RNASE7: variants seen among roughly 807,000 people sequenced by gnomAD.
RNASE7 encodes the protein ribonuclease 7.
For missense variants in RNASE7, 184 were observed against 191.5 expected (o/e 0.96, Z 0.23); for synonymous variants, 80 against 77.5 (o/e 1.03, Z -0.17).
Position 21,043,471 on chromosome 14 carries a change from G to GA in RNASE7, c.*9dup, listed in dbSNP as rs781484631. On this transcript the variant is annotated 3_prime_UTR_variant, in exon 2 of 2. Coordinates refer to ENST00000298690, the MANE Select transcript of RNASE7 (RefSeq NM_032572.4). ...TTGGACAGAGTCCTTTAGGTTTCCAGACTGGCTTGCTCTTTGGCTGACCTT... is the reference window on the plus strand; with the variant it reads ...TTGGACAGAGTCCTTTAGGTTTCCAGAACTGGCTTGCTCTTTGGCTGACCTT... The GA allele has an allele frequency of 6.4e-7, 1 of 1,567,174 alleles. No homozygotes were observed. The highest frequency in any genetic ancestry group is 1.2e-5 in the South Asian group (1 of 82,178).
intron 1 of RNASE7, among the ~76,000 whole-genome samples, 200 bp from the exon 2 acceptor site, chr14:21,042,753 A>C (rs1401064183): frequency 6.6e-6 from 1 of 152,160 alleles, no homozygotes; most frequent in Non-Finnish European, 1.5e-5. Context: ...CAGGGACAGA[A>C]TGAAGGGAAC....
At position 21,043,746 on chromosome 14, in the gene RNASE7, T is replaced by G; in HGVS notation, c.*283T>G. The stretch of plus-strand genomic sequence containing the variant: ...CATTGCACATGTCTCCCCTGCCCCC[T>G]GGCATTAGGGCAGCATGACAAGGAG... On this transcript the variant is annotated 3_prime_UTR_variant, in exon 2 of 2. Coordinates refer to ENST00000298690, the MANE Select transcript of RNASE7 (RefSeq NM_032572.4). 2.8e-6 allele frequency: 1 copy of G among 350,924 alleles called. No individual in the cohort carries two copies. Among genetic ancestry groups the G allele is most frequent in the South Asian group, 6.8e-5 (1 of 14,652 alleles). 21.7% of individuals were successfully genotyped at this position (350,924 alleles called of 1,614,324 possible). A position where few individuals can be genotyped will look rare whatever the true frequency, so the allele number is the denominator to read the frequency against.
chr14:21,042,872 A>G (rs1884965826), intron 1 of RNASE7, 81 bp from the exon 2 acceptor site: 1 of 816,734 alleles, frequency 1.2e-6, no homozygotes, highest in Non-Finnish European at 1.9e-6. Context: ...GAAAGGAGAC[A>G]ACCGAGTAGG....
chr14:21,043,000 C>G lies in RNASE7; in HGVS notation c.8C>G (p.Pro3Arg). 1.9e-6 allele frequency: 3 copies of G among 1,612,344 alleles called. No homozygotes were observed. Among genetic ancestry groups the G allele is most frequent in the Non-Finnish European group, 2.5e-6 (3 of 1,179,026 alleles). MA[P>R]ARAGFCPLLL... ...CTGCTCCTCCTAAGAGAGATGGCAC[C>G]GGCCAGAGCAGGATTCTGCCCCCTT... Residue 3 changes from proline (P) to arginine (R), a missense_variant, in exon 2 of 2, where the codon CCG (proline) becomes CGG (arginine). Coordinates refer to ENST00000298690, the MANE Select transcript of RNASE7 (RefSeq NM_032572.4).
At position 21,043,228 on chromosome 14, in the gene RNASE7, T is replaced by TG. The variant is rs1884989177; in HGVS notation, c.238dup (p.Ala80GlyfsTer16). The TG allele has an allele frequency of 6.2e-7, 1 of 1,614,062 alleles. No homozygotes were observed. The highest frequency in any genetic ancestry group is 1.1e-5 in the South Asian group (1 of 91,082). On this transcript the variant is annotated frameshift_variant, in exon 2 of 2. Transcript: ENST00000298690. LOFTEE classifies it low-confidence loss of function (END_TRUNC). ...TTCCTGCACGAGCCTTTCTCCAGTGTGGCCGCCACCTGCCAGACCCCCAAA... is the reference window on the plus strand; with the variant it reads ...TTCCTGCACGAGCCTTTCTCCAGTGTGGGCCGCCACCTGCCAGACCCCCAAA...
intron 1 of RNASE7, 138 bp from the exon 2 acceptor site, chr14:21,042,815 G>A (rs1884962458): frequency 4.9e-6 from 3 of 610,164 alleles, no homozygotes; most frequent in Non-Finnish European, 2.9e-6. Context: ...GGGCTGCAGT[G>A]GATGTGGACA....
Position 21,043,199 on chromosome 14 carries a change from C to T in RNASE7, c.207C>T (p.Asn69=), listed in dbSNP as rs1018381595. 1 of 1,614,188 alleles carries T rather than the reference C, an allele frequency of 6.2e-7. No homozygotes were observed. The highest frequency in any genetic ancestry group is 8.5e-7 in the Non-Finnish European group (1 of 1,180,038). The part of the protein sequence containing the change: ...NKHTKRCKDL[N]TFLHEPFSSV... ...ACACAAAACGGTGCAAAGACCTCAA[C>T]ACCTTCCTGCACGAGCCTTTCTCCA... is the stretch of plus-strand genomic sequence containing the variant. Residue 69 remains asparagine (N), a synonymous_variant, in exon 2 of 2, where the codon AAC becomes AAT. Transcript: ENST00000298690.
intron 1 of RNASE7, 30 bp from the exon 2 acceptor site, chr14:21,042,923 T>A (rs974536933): frequency 2.8e-5 from 38 of 1,360,196 alleles, no homozygotes; most frequent in Non-Finnish European, 3.8e-5. Context: ...ATAAGAGGAC[T>A]AATTTCTCAA....
rs1885009178 is a variant in RNASE7 at position 21,043,504 on chromosome 14, C to T, written c.*41C>T. ...TGCTCTTTGGCTGACCTTCAATTCC[C>T]TCTCCAGGACTCCGCACCACTCCCC... On this transcript the variant is annotated 3_prime_UTR_variant, in exon 2 of 2. Coordinates refer to ENST00000298690, the MANE Select transcript of RNASE7 (RefSeq NM_032572.4). 7.6e-7 allele frequency: 1 copy of T among 1,309,748 alleles called. No homozygotes were observed. The highest frequency in any genetic ancestry group is 1.5e-5 in the African/African-American group (1 of 67,810). The allele number at this position is 1,309,748 out of a possible 1,614,324, so 81.1% of individuals were successfully genotyped here.
At chr14:21,042,726 C>A (rs1884958125) in intron 1 of RNASE7, among the ~76,000 whole-genome samples, 1 of 151,914 alleles carries the variant, frequency 6.6e-6, no homozygotes, top group Non-Finnish European at 1.5e-5. Context: ...GGGGAGAGGA[C>A]AAAGAGTGAC....
chr14:21,043,275 A>G lies in RNASE7; in HGVS notation c.283A>G (p.Lys95Glu). ...CAAAATAGCCTGCAAGAATGGCGAT[A>G]AAAACTGCCACCAGAGCCACGGGGC... The part of the protein sequence containing the change: ...TPKIACKNGD[K>E]NCHQSHGAVS... Residue 95 changes from lysine to glutamate, a missense_variant, in exon 2 of 2, where the codon AAA becomes GAA. Transcript: ENST00000298690. 6.2e-7 allele frequency: 1 copy of G among 1,614,234 alleles called. No individual in the cohort carries two copies.
rs1308995134 is a variant in RNASE7 at position 21,043,759 on chromosome 14, G to C, written c.*296G>C. 3.2e-6 allele frequency: 1 copy of C among 314,398 alleles called. No homozygotes were observed. The highest frequency in any genetic ancestry group is 2.2e-5 in the African/African-American group (1 of 46,096). The allele number at this position is 314,398 out of a possible 1,614,324, so 19.5% of individuals were successfully genotyped here. A position where few individuals can be genotyped will look rare whatever the true frequency, so the allele number is the denominator to read the frequency against. The stretch of plus-strand genomic sequence containing the variant: ...TCCCCTGCCCCCTGGCATTAGGGCA[G>C]CATGACAAGGAGAGGAAATAAATGG... On this transcript the variant is annotated 3_prime_UTR_variant, in exon 2 of 2. Coordinates refer to ENST00000298690, the MANE Select transcript of RNASE7 (RefSeq NM_032572.4).
chr14:21,043,428 C>T lies in RNASE7; in HGVS notation c.436C>T (p.His146Tyr). 1 of 1,607,942 alleles carries T rather than the reference C, an allele frequency of 6.2e-7. No homozygotes were observed. Among genetic ancestry groups the T allele is most frequent in the East Asian group, 2.2e-5 (1 of 44,870 alleles). ...CCAGAAAAAGGACTCTCAGCAATTCCACCTGGTTCCTGTACACTTGGACAG... is the reference window on the plus strand; with the variant it reads ...CCAGAAAAAGGACTCTCAGCAATTCTACCTGGTTCCTGTACACTTGGACAG... ...PPQKKDSQQFHLVPVHLDRVL is the reference protein window; with the variant it reads ...PPQKKDSQQFYLVPVHLDRVL The change falls in exon 2 of 2, where the codon CAC becomes TAC. Residue 146 changes from histidine (H) to tyrosine (Y), a missense_variant. Coordinates refer to ENST00000298690, the MANE Select transcript of RNASE7 (RefSeq NM_032572.4).
rs1377455032 is a variant in RNASE7, at chr14:21,043,530, T to C, written c.*67T>C. On this transcript the variant is annotated 3_prime_UTR_variant, in exon 2 of 2. Coordinates refer to ENST00000298690, the MANE Select transcript of RNASE7 (RefSeq NM_032572.4). Reference sequence around the variant, plus strand: ...TCTCCAGGACTCCGCACCACTCCCCTACACCCAGAGCATTCTCTTCCCCTC... The same window carrying C: ...TCTCCAGGACTCCGCACCACTCCCCCACACCCAGAGCATTCTCTTCCCCTC... 1 of 1,056,164 alleles carries C rather than the reference T, an allele frequency of 9.5e-7. No homozygotes were observed. The highest frequency in any genetic ancestry group is 1.4e-6 in the Non-Finnish European group (1 of 713,766). 65.4% of individuals were successfully genotyped at this position (1,056,164 alleles called of 1,614,324 possible).
In RNASE7 at chr14:21,042,958, C is replaced by G; in HGVS notation, c.-35C>G. The G allele has an allele frequency of 1.9e-6, 3 of 1,582,394 alleles. No individual in the cohort carries two copies. Among genetic ancestry groups the G allele is most frequent in the Non-Finnish European group, 2.6e-6 (3 of 1,161,758 alleles). The stretch of plus-strand genomic sequence containing the variant: ...ACTGAACACCTCTGTCCCAGCGACC[C>G]CTGCCCTCCATCCTGACTGCTCCTC... On this transcript the variant is annotated 5_prime_UTR_variant, in exon 2 of 2. Coordinates refer to ENST00000298690, the MANE Select transcript of RNASE7 (RefSeq NM_032572.4).
Position 21,043,000 on chromosome 14 carries a change from C to A in RNASE7, c.8C>A (p.Pro3Gln). 6.2e-6 allele frequency: 10 copies of A among 1,612,344 alleles called. No individual in the cohort carries two copies. Among genetic ancestry groups the A allele is most frequent in the Non-Finnish European group, 8.5e-6 (10 of 1,179,026 alleles). The change falls in exon 2 of 2, where the codon CCG becomes CAG. Residue 3 changes from proline (P) to glutamine (Q), a missense_variant. Coordinates refer to ENST00000298690, the MANE Select transcript of RNASE7 (RefSeq NM_032572.4). The stretch of plus-strand genomic sequence containing the variant: ...CTGCTCCTCCTAAGAGAGATGGCAC[C>A]GGCCAGAGCAGGATTCTGCCCCCTT... MAPARAGFCPLLL... is the reference protein window; with the variant it reads MAQARAGFCPLLL...
rs575934159 is a variant in RNASE7 at position 21,043,102 on chromosome 14, A to T, written c.110A>T (p.Gln37Leu). The change falls in exon 2 of 2, where the codon CAG becomes CTG. Residue 37 changes from glutamine to leucine, a missense_variant. By Grantham distance (113) the Gln-to-Leu change is moderately radical. Transcript: ENST00000298690. The stretch of plus-strand genomic sequence containing the variant: ...AAGCCCAAGGGCATGACCTCATCAC[A>T]GTGGTTTAAAATTCAGCACATGCAG... ...SAKPKGMTSS[Q>L]WFKIQHMQPS... 5 of 1,614,162 alleles carry T rather than the reference A, an allele frequency of 3.1e-6. No homozygotes were observed. The South Asian group carries it at 5.5e-5, about 18-fold the overall frequency.
rs1355876979 is a variant in RNASE7 at position 21,043,171 on chromosome 14, A to C, written c.179A>C (p.Lys60Thr). Reference sequence around the variant, plus strand: ...AACTCAGCCATGAAAAACATTAACAAGCACACAAAACGGTGCAAAGACCTC... The same window carrying C: ...AACTCAGCCATGAAAAACATTAACACGCACACAAAACGGTGCAAAGACCTC... ...ACNSAMKNIN[K>T]HTKRCKDLNT... Residue 60 changes from lysine (K) to threonine (T), a missense_variant, in exon 2 of 2, where the codon AAG becomes ACG. By Grantham distance (78) the Lys-to-Thr change is moderately conservative (BLOSUM62 -1). Transcript: ENST00000298690. 6.2e-7 allele frequency: 1 copy of C among 1,614,086 alleles called. No individual in the cohort carries two copies. Among genetic ancestry groups the C allele is most frequent in the African/African-American group, 1.3e-5 (1 of 74,910 alleles).
chr14:21,042,683 T>G (rs958534266), intron 1 of RNASE7, among the ~76,000 whole-genome samples: 1 of 151,126 alleles, frequency 6.6e-6, no homozygotes, highest in East Asian at 1.9e-4. Context: ...CACAGGAACA[T>G]GGAGACACAA....
Sources: gnomAD v4.1 joint callset for allele counts (sites outside exome capture counted in the v4.1 genomes callset) on GRCh38, gnomAD v4.1.1 for gene constraint, MANE v1.5 for transcripts, NCBI Gene and HGNC (gene_info 2026-07-23, HGNC 2026-07-21) for gene names.